The following KCNH1 variants were observed in gnomAD, a reference collection of about 807,000 sequenced individuals.
KCNH1 encodes potassium voltage-gated channel subfamily H member 1, also known as voltage-gated delayed rectifier potassium channel KCNH1.
A neutral mutation model predicts 69.2 loss-of-function variants in KCNH1; 27 were observed. The ratio of observed to expected loss-of-function variants is 0.39; its 90% CI spans 0.29 to 0.54. KCNH1 has a LOEUF of 0.54. KCNH1 is among the 20% of genes least tolerant of loss of function. The pLI is 0.68. For missense variants in KCNH1, 798 were observed against 1,261.6 expected, an observed-to-expected ratio of 0.63 and a Z score of 5.57; for synonymous variants, 456 against 487.7, an observed-to-expected ratio of 0.93 and a Z score of 0.86.
At chr1:211,091,786 A>G (rs1281770165) in intron 3 of KCNH1, among the ~76,000 whole-genome samples, 1 of 152,178 alleles carries the variant, frequency 6.6e-6, no homozygotes, top group Non-Finnish European at 1.5e-5. Flanking sequence ...GAGGATACCC[A>G]CTCAGGTATC....
chr1:211,110,892 G>GTT (rs1571654680), intron 1 of KCNH1, among the ~76,000 whole-genome samples: 1 of 152,140 alleles, frequency 6.6e-6, no homozygotes, highest in African/African-American at 2.4e-5. Context: ...TCTAATGCAT[G>GTT]TTATTTAGAG....
At chr1:210,992,689 C>T (rs995134050) in intron 6 of KCNH1, among the ~76,000 whole-genome samples, 1 of 151,982 alleles carries the variant, frequency 6.6e-6, no homozygotes, top group Non-Finnish European at 1.5e-5. Context: ...CTATTTGTTG[C>T]TTTTTCTGTT....
intron 5 of KCNH1, among the ~76,000 whole-genome samples, chr1:211,065,518 C>T (rs4612687): frequency 0.2 from 29,668 of 151,928 alleles, 3,117 homozygotes; most frequent in Non-Finnish European, 0.23. Context: ...TCAAAGGATA[C>T]AAAATTTCAT....
intron 6 of KCNH1, among the ~76,000 whole-genome samples, chr1:211,003,298 T>C (rs1391954602): frequency 1.3e-5 from 2 of 152,122 alleles, no homozygotes; most frequent in Non-Finnish European, 2.9e-5. Flanking sequence ...AGAAGAAAGG[T>C]CAATGAGATT....
intron 10 of KCNH1, among the ~76,000 whole-genome samples, chr1:210,703,092 TCTAA>T (rs966093813): frequency 5.3e-5 from 8 of 152,266 alleles, no homozygotes; most frequent in African/African-American, 1.4e-4. Context: ...AGAAGCCCTT[TCTAA>T]CTAACTAAGG....
chr1:210,736,503 C>T (rs183091144), intron 10 of KCNH1, among the ~76,000 whole-genome samples: 37 of 152,096 alleles, frequency 2.4e-4, no homozygotes, highest in Admixed American at 7.2e-4. Context: ...GCAGAGATCG[C>T]GCCATTGCAC....
intron 5 of KCNH1, among the ~76,000 whole-genome samples, chr1:211,026,403 A>G (rs1174382625): frequency 1.3e-5 from 2 of 150,808 alleles, no homozygotes; most frequent in Non-Finnish European, 3.0e-5. Flanking sequence ...AAACAACCAC[A>G]ACAACAAAAG....
At chr1:210,989,900 G>T (rs1035148066) in intron 6 of KCNH1, among the ~76,000 whole-genome samples, 9 of 152,110 alleles carry the variant, frequency 5.9e-5, no homozygotes, top group African/African-American at 2.2e-4. Flanking sequence ...TATTTTAAAA[G>T]CTTCTAAGTG....
chr1:210,996,019 G>A (rs575927387), intron 6 of KCNH1, among the ~76,000 whole-genome samples: 36 of 152,306 alleles, frequency 2.4e-4, no homozygotes, highest in Middle Eastern at 3.4e-3. Flanking sequence ...CAAGATGGCC[G>A]AATAGGAACA....
chr1:210,982,379 C>A (rs543358783), intron 6 of KCNH1, among the ~76,000 whole-genome samples: 1 of 152,168 alleles, frequency 6.6e-6, no homozygotes, highest in African/African-American at 2.4e-5. Context: ...ATTAACTCAT[C>A]ATTTAGCATT....
chr1:210,735,531 G>A, intron 10 of KCNH1, among the ~76,000 whole-genome samples: 1 of 150,552 alleles, frequency 6.6e-6, no homozygotes, highest in East Asian at 2.0e-4. Context: ...TATTTGCCTA[G>A]CATATAGCCT....
intron 5 of KCNH1, among the ~76,000 whole-genome samples, chr1:211,065,762 T>C (rs546225770): frequency 2.0e-5 from 3 of 152,250 alleles, no homozygotes; most frequent in African/African-American, 7.2e-5. Context: ...TTTTGATCAA[T>C]TAAAAAAGTT....
intron 7 of KCNH1, among the ~76,000 whole-genome samples, chr1:210,852,652 G>T (rs1344518337): frequency 1.3e-5 from 2 of 152,048 alleles, no homozygotes; most frequent in African/African-American, 2.4e-5. Context: ...CAAAGTCAAG[G>T]ATGCACTATT....
Position 210,684,038 on chromosome 1 carries a change from C to T in KCNH1, c.2213G>A (p.Arg738Gln), listed in dbSNP as rs1297360511. 6.4e-7 allele frequency: 1 copy of T among 1,569,684 alleles called. No homozygotes were observed. Among genetic ancestry groups the T allele is most frequent in the Admixed American group, 1.8e-5 (1 of 55,476 alleles). ...CTGTCGGAATCTCTGGAAGAGGCGC[C>T]GGACAGGGTGGTCCGGGGGCAAGAT... The part of the protein sequence containing the change: ...PLILPPDHPV[R>Q]RLFQRFRQQK... Residue 738 changes from arginine to glutamine, a missense_variant, in exon 11 of 11, where the codon CGG becomes CAG. Transcript: ENST00000271751.
At chr1:210,852,486 T>C (rs994574489) in intron 7 of KCNH1, among the ~76,000 whole-genome samples, 8 of 152,166 alleles carry the variant, frequency 5.3e-5, no homozygotes, top group Admixed American at 1.3e-4. Flanking sequence ...TTAATTAACC[T>C]AAGTGACTTC....
At chr1:211,035,149 G>C (rs1689870718) in intron 5 of KCNH1, among the ~76,000 whole-genome samples, 1 of 151,912 alleles carries the variant, frequency 6.6e-6, no homozygotes, top group South Asian at 2.1e-4. Flanking sequence ...GCTAGAGAGG[G>C]AGGGTTGATG....
chr1:211,016,257 G>A (rs577930900), intron 6 of KCNH1, among the ~76,000 whole-genome samples: 21 of 152,232 alleles, frequency 1.4e-4, no homozygotes, highest in Middle Eastern at 3.4e-3. Flanking sequence ...AACATATACA[G>A]TTGGTTTGGA....
chr1:210,893,998 T>C (rs952915560), intron 7 of KCNH1, among the ~76,000 whole-genome samples: 1 of 152,202 alleles, frequency 6.6e-6, no homozygotes, highest in African/African-American at 2.4e-5. Flanking sequence ...ATATGGAATA[T>C]AGTTATAATA....
chr1:210,804,313 C>A (rs903643511), intron 7 of KCNH1, 147 bp from the exon 8 acceptor site: 2 of 657,246 alleles, frequency 3.0e-6, no homozygotes, highest in South Asian at 1.9e-5. Context: ...TCTCAGGAGA[C>A]CCTCACACCT....
Sources: allele counts gnomAD v4.1 joint callset (sites outside exome capture counted in the v4.1 genomes callset), GRCh38; gene constraint gnomAD v4.1.1; transcripts MANE v1.5; gene names NCBI Gene and HGNC (gene_info 2026-07-23, HGNC 2026-07-21).